The following MTMR4 variants were observed in gnomAD, a reference collection of about 807,000 sequenced individuals.
The protein encoded by MTMR4 is myotubularin related protein 4, also known as phosphatidylinositol-3,5-bisphosphate 3-phosphatase MTMR4.
MTMR4 carries 30 observed loss-of-function variants against 125.5 expected under a neutral mutation model. The ratio of observed to expected loss-of-function variants is 0.24; its 90% CI spans 0.18 to 0.32. MTMR4 has a LOEUF of 0.32. Ranked by LOEUF, MTMR4 falls within the 10% of genes least tolerant of loss-of-function variation. MTMR4 has a pLI of 1.00. For missense variants in MTMR4, 1,039 were observed against 1,511.5 expected (o/e 0.69, Z 5.18); for synonymous variants, 498 against 564.5 (o/e 0.88, Z 1.67).
At chr17:58,516,452 AT>A (rs2143950221), upstream of MTMR4, 1 of 959,046 alleles carries the variant, frequency 1.0e-6, no homozygotes, top group South Asian at 1.3e-5. Context: ...TCCAGGGCAG[AT>A]GAACATGTTT....
Position 58,491,658 on chromosome 17 carries a change from G to T in MTMR4, c.*5C>A, listed in dbSNP as rs180972693. 1.4e-5 allele frequency: 23 copies of T among 1,611,070 alleles called. No individual in the cohort carries two copies. The highest frequency in any genetic ancestry group is 1.5e-5 in the Non-Finnish European group (18 of 1,177,846). On this transcript the variant is annotated 3_prime_UTR_variant, in exon 18 of 18. Coordinates refer to ENST00000682306, the MANE Select transcript of MTMR4 (RefSeq NM_001378067.1). Reference sequence around the variant, plus strand: ...GCTAAAATTGGACAGGTTTCTCCCCGGCATTCAACTGGAAGCTGTAGCAAT... The same window carrying T: ...GCTAAAATTGGACAGGTTTCTCCCCTGCATTCAACTGGAAGCTGTAGCAAT...
In MTMR4 at chr17:58,508,445, G is replaced by A. The variant is rs760090203; in HGVS notation, c.593+23C>T. 3 of 1,612,126 alleles carry A rather than the reference G, an allele frequency of 1.9e-6. No individual in the cohort carries two copies. In the Admixed American group the frequency reaches 5.0e-5, roughly 27 times the overall value. On this transcript the variant is annotated intron_variant, in intron 6 of 17. Coordinates refer to ENST00000682306, the MANE Select transcript of MTMR4 (RefSeq NM_001378067.1). This position sits in a 1 kb window ranked among gnomAD's most constrained non-coding sequence, Gnocchi z 4.8. ...ACGGAAGTAGTTTGGTGTGGAAGGTGTTTTGGTCCCCAACCCTCTCACTTG... is the reference window on the plus strand; with the variant it reads ...ACGGAAGTAGTTTGGTGTGGAAGGTATTTTGGTCCCCAACCCTCTCACTTG...
In MTMR4 at chr17:58,512,367, A is replaced by C; in HGVS notation, c.252+23T>G. On this transcript the variant is annotated intron_variant, in intron 3 of 17. Coordinates refer to ENST00000682306, the MANE Select transcript of MTMR4 (RefSeq NM_001378067.1). This position sits in a 1 kb window ranked among gnomAD's most constrained non-coding sequence, Gnocchi z 4.1. The stretch of plus-strand genomic sequence containing the variant: ...TTCATAGGGATTCTAGCTTAGGGGT[A>C]GGAGAACAATACAGAAACTCACGTT... 2 of 1,536,138 alleles carry C rather than the reference A, an allele frequency of 1.3e-6. No homozygotes were observed. The highest frequency in any genetic ancestry group is 1.8e-6 in the Non-Finnish European group (2 of 1,108,846).
rs1482721265 is a variant in MTMR4 at position 58,490,070 on chromosome 17, A to C, written c.*1593T>G. 6.6e-6 allele frequency: 1 copy of C among 152,662 alleles called. No individual in the cohort carries two copies. The highest frequency in any genetic ancestry group is 1.5e-5 in the Non-Finnish European group (1 of 68,050). 9.5% of individuals were successfully genotyped at this position (152,662 alleles called of 1,614,324 possible). A position where few individuals can be genotyped will look rare whatever the true frequency, so the allele number is the denominator to read the frequency against. The stretch of plus-strand genomic sequence containing the variant: ...AACTTTTTAGGTTACATCTATGGCA[A>C]GTACAAAAGAACCACAGATGCGTCT... On this transcript the variant is annotated 3_prime_UTR_variant, in exon 18 of 18. Transcript: ENST00000682306.
At position 58,496,314 on chromosome 17, in the gene MTMR4, A is replaced by G; in HGVS notation, c.1870T>C (p.Ser624Pro). The G allele has an allele frequency of 6.2e-7, 1 of 1,609,358 alleles. No individual in the cohort carries two copies. The highest frequency in any genetic ancestry group is 8.5e-7 in the Non-Finnish European group (1 of 1,177,802). Reference sequence around the variant, plus strand: ...CAGGCAGAAAGAAGATCATCCATGGATCTGGTTTTAGGTAATCTGGAAAGA... The same window carrying G: ...CAGGCAGAAAGAAGATCATCCATGGGTCTGGTTTTAGGTAATCTGGAAAGA... The part of the protein sequence containing the change: ...RSLDRLPKTR[S>P]MDDLLSACDT... The change falls in exon 15 of 18, where the codon TCC becomes CCC. Residue 624 changes from serine (S) to proline (P), a missense_variant. Physicochemically the swap from Ser to Pro is moderately conservative, Grantham distance 74. Around this residue, in one of 6 missense-constraint regions of MTMR4, gnomAD observed 619 missense variants for 714.5 expected, o/e 0.87. Transcript: ENST00000682306.
At position 58,491,412 on chromosome 17, in the gene MTMR4, C is replaced by G. The variant is rs1975311272; in HGVS notation, c.*251G>C. On this transcript the variant is annotated 3_prime_UTR_variant, in exon 18 of 18. Transcript: ENST00000682306. ...AGGAGAAAGAGGCTGGAGTCACCAA[C>G]TCAACATTAAGCTTCCAGACCCTGG... 10 of 289,930 alleles carry G rather than the reference C, an allele frequency of 3.4e-5. No homozygotes were observed. In the South Asian group the frequency reaches 7.6e-4, roughly 22 times the overall value. The allele number at this position is 289,930 out of a possible 1,614,324, so 18.0% of individuals were successfully genotyped here.
chr17:58,511,111 A>G (rs1483555598), intron 4 of MTMR4: 7 of 198,332 alleles, frequency 3.5e-5, no homozygotes, highest in Non-Finnish European at 7.2e-5. Context: ...ATGTATATCA[A>G]ATGAATAAAT....
rs773905239 is a variant in MTMR4 at position 58,508,691 on chromosome 17, T to C, written c.486A>G (p.Leu162=). ...ATAGACTGGCCTCACCTGGCTGACATAGGTGAGTGTGCTGGTCCTCCTCGG... is the reference window on the plus strand; with the variant it reads ...ATAGACTGGCCTCACCTGGCTGACACAGGTGAGTGTGCTGGTCCTCCTCGG... ...GLTEEDQHTH[L]CQPGEHIRCR... The change falls in exon 5 of 18, where the codon CTA becomes CTG. Residue 162 remains leucine (L), a synonymous_variant. Coordinates refer to ENST00000682306, the MANE Select transcript of MTMR4 (RefSeq NM_001378067.1). The surrounding 1 kb of genome is among the most constrained non-coding windows in gnomAD (Gnocchi z 4.8). 45 of 1,613,958 alleles carry C rather than the reference T, an allele frequency of 2.8e-5. No homozygotes were observed. The highest frequency in any genetic ancestry group is 3.6e-5 in the Non-Finnish European group (43 of 1,179,982).
In MTMR4 at chr17:58,514,548, G is replaced by T. The variant is rs1176095776; in HGVS notation, c.-141C>A. ...AAGAGGCTAGGGCGCTGGTGGCCGG[G>T]CCTCCGCGCGGCTCCCGCGCGCCTC... On this transcript the variant is annotated 5_prime_UTR_variant, in exon 1 of 18. Coordinates refer to ENST00000682306, the MANE Select transcript of MTMR4 (RefSeq NM_001378067.1). 1.0e-6 allele frequency: 1 copy of T among 985,020 alleles called. No homozygotes were observed. The highest frequency in any genetic ancestry group is 1.2e-6 in the Non-Finnish European group (1 of 829,878). The allele number at this position is 985,020 out of a possible 1,614,324, so 61.0% of individuals were successfully genotyped here. A position where few individuals can be genotyped will look rare whatever the true frequency, so the allele number is the denominator to read the frequency against.
chr17:58,512,746 G>A lies in MTMR4; in HGVS notation c.135+106C>T, dbSNP rs1374478195. ...TCCTCCAGAGACCAGGGAACATGAA[G>A]CCAGAGCTCTGGTACCAGATGCCCT... On this transcript the variant is annotated intron_variant, in intron 2 of 17. Coordinates refer to ENST00000682306, the MANE Select transcript of MTMR4 (RefSeq NM_001378067.1). The surrounding 1 kb of genome is among the most constrained non-coding windows in gnomAD (Gnocchi z 4.1). 2.0e-6 allele frequency: 2 copies of A among 1,005,544 alleles called. No individual in the cohort carries two copies. The highest frequency in any genetic ancestry group is 3.1e-6 in the Non-Finnish European group (2 of 654,978). 62.3% of individuals were successfully genotyped at this position (1,005,544 alleles called of 1,614,324 possible). A position where few individuals can be genotyped will look rare whatever the true frequency, so the allele number is the denominator to read the frequency against.
intron 15 of MTMR4, 84 bp from the exon 16 acceptor site, chr17:58,493,036 C>T: frequency 1.0e-6 from 1 of 981,236 alleles, no homozygotes; most frequent in Non-Finnish European, 1.6e-6. Context: ...GTGCTAAGTG[C>T]ATTACACACA....
rs1975962129 is a variant in MTMR4 at position 58,512,582 on chromosome 17, G to C, written c.136-76C>G. Reference sequence around the variant, plus strand: ...CCTCTTCTACAGCCCCTGATCTGTGGGATCCCCTCTGGAAAAGGTGGGCCA... The same window carrying C: ...CCTCTTCTACAGCCCCTGATCTGTGCGATCCCCTCTGGAAAAGGTGGGCCA... On this transcript the variant is annotated intron_variant, in intron 2 of 17. Transcript: ENST00000682306. The surrounding 1 kb of genome is among the most constrained non-coding windows in gnomAD (Gnocchi z 4.1). 5.6e-6 allele frequency: 7 copies of C among 1,250,876 alleles called. No individual in the cohort carries two copies. Among genetic ancestry groups the C allele is most frequent in the Middle Eastern group, 2.3e-4 (1 of 4,306 alleles). The allele number at this position is 1,250,876 out of a possible 1,614,324, so 77.5% of individuals were successfully genotyped here.
At position 58,504,998 on chromosome 17, in the gene MTMR4, C is replaced by G; in HGVS notation, c.1146-24G>C. On this transcript the variant is annotated intron_variant, in intron 10 of 17. Transcript: ENST00000682306. The surrounding 1 kb of genome is among the most constrained non-coding windows in gnomAD (Gnocchi z 7.1). ...AGCTACACAAAAGCAGACATCAAGT[C>G]GGTCACAAAGGGTGCTGAGGCCACA... 6.3e-7 allele frequency: 1 copy of G among 1,576,320 alleles called. No individual in the cohort carries two copies. Among genetic ancestry groups the G allele is most frequent in the Non-Finnish European group, 8.6e-7 (1 of 1,159,016 alleles).
At position 58,504,544 on chromosome 17, in the gene MTMR4, A is replaced by G; in HGVS notation, c.1342-56T>C. The G allele has an allele frequency of 6.3e-7, 1 of 1,576,214 alleles. No individual in the cohort carries two copies. The highest frequency in any genetic ancestry group is 8.6e-7 in the Non-Finnish European group (1 of 1,158,008). On this transcript the variant is annotated intron_variant, in intron 11 of 17. Transcript: ENST00000682306. The surrounding 1 kb of genome is among the most constrained non-coding windows in gnomAD (Gnocchi z 7.1). Reference sequence around the variant, plus strand: ...GCCTCTCTGGAAATGCTGATGTGCTACTCCCCTGGGAACTGCCCAAAGCAG... The same window carrying G: ...GCCTCTCTGGAAATGCTGATGTGCTGCTCCCCTGGGAACTGCCCAAAGCAG...
At chr17:58,493,726 GTTA>G (rs1475767101) in intron 15 of MTMR4, among the ~76,000 whole-genome samples, 1 of 151,044 alleles carries the variant, frequency 6.6e-6, no homozygotes, top group Non-Finnish European at 1.5e-5. Context: ...ACCTAAAATA[GTTA>G]TTATTTGGCC....
rs779058689 is a variant in MTMR4 at position 58,495,992 on chromosome 17, G to T, written c.2192C>A (p.Thr731Asn). ...TAVPREMKSN[T>N]SDPEIKVLEE... ...TAGGACTTTGATCTCAGGATCAGAG[G>T]TGTTGCTCTTCATTTCCCGAGGCAC... The change falls in exon 15 of 18, where the codon ACC becomes AAC. Residue 731 changes from threonine (T) to asparagine (N), a missense_variant. This residue lies in a region of MTMR4 where 619 missense variants were observed against 714.5 expected (regional missense o/e 0.87). Transcript: ENST00000682306. The T allele has an allele frequency of 7.4e-6, 12 of 1,614,088 alleles. No homozygotes were observed. In the South Asian group the frequency reaches 1.2e-4, roughly 16 times the overall value.
intron 1 of MTMR4, chr17:58,514,155 AATTTCC>A: frequency 3.4e-6 from 1 of 296,282 alleles, no homozygotes; most frequent in Non-Finnish European, 5.0e-6. Flanking sequence ...TGGACCACAG[AATTTCC>A]ATTCCTGGCC....
At position 58,504,117 on chromosome 17, in the gene MTMR4, A is replaced by G. The variant is rs1384498868; in HGVS notation, c.1631T>C (p.Val544Ala). Residue 544 changes from valine to alanine, a missense_variant, in exon 13 of 18, where the codon GTG (valine) becomes GCG (alanine). Val to Ala is a moderately conservative substitution (Grantham distance 64, BLOSUM62 0). Coordinates refer to ENST00000682306, the MANE Select transcript of MTMR4 (RefSeq NM_001378067.1). The surrounding 1 kb of genome is among the most constrained non-coding windows in gnomAD (Gnocchi z 7.1). ...ATTGCCAGCTCGAAGGAGCGCCCAC[A>G]CAGAGCAGGTCCGCTTGTAGATGTT... ...KRNIYKRTCSVWALLRAGNKN... is the reference protein window; with the variant it reads ...KRNIYKRTCSAWALLRAGNKN... 1.9e-6 allele frequency: 3 copies of G among 1,607,026 alleles called. No individual in the cohort carries two copies. Among genetic ancestry groups the G allele is most frequent in the East Asian group, 2.2e-5 (1 of 44,838 alleles).
Position 58,495,807 on chromosome 17 carries a change from G to A in MTMR4, c.2377C>T (p.Pro793Ser), listed in dbSNP as rs1975449486. ...GTAGGAGAGTTCTGGGAAGACTCAG[G>A]AAAATTACAAACTCCATCACACTTG... ...SNKCDGVCNF[P>S]ESSQNSPTGT... The change falls in exon 15 of 18, where the codon CCT becomes TCT. Residue 793 changes from proline (P) to serine (S), a missense_variant. Coordinates refer to ENST00000682306, the MANE Select transcript of MTMR4 (RefSeq NM_001378067.1). 4 of 1,614,144 alleles carry A rather than the reference G, an allele frequency of 2.5e-6. No individual in the cohort carries two copies. Among genetic ancestry groups the A allele is most frequent in the Middle Eastern group, 3.3e-4 (2 of 6,062 alleles).
Sources: gnomAD v4.1 joint callset for allele counts (sites outside exome capture counted in the v4.1 genomes callset) on GRCh38, gnomAD v4.1.1 for gene constraint, gnomAD v4.1.1 regional missense constraint, Gnocchi (gnomAD v3.1) non-coding constraint, MANE v1.5 for transcripts, NCBI Gene and HGNC (gene_info 2026-07-23, HGNC 2026-07-21) for gene names.